The following MYO10 variants were observed in gnomAD, a reference collection of about 807,000 sequenced individuals.
The protein encoded by MYO10 is myosin X.
MYO10 carries 133 observed loss-of-function variants against 257.3 expected under a neutral mutation model. That is an observed-to-expected ratio of 0.52 (90% CI 0.45 to 0.60). The LOEUF (loss-of-function observed/expected upper bound fraction) is 0.60. Among genes scored for constraint, MYO10 ranks in the 20% least tolerant of loss-of-function variants. MYO10 has a pLI of 0.00. For synonymous variants in MYO10, 1,104 were observed against 1,028.6 expected (o/e 1.07, Z -1.40); for missense variants, 2,399 against 2,635.7 (o/e 0.91, Z 1.97).
chr5:16,904,602 G>C (rs1323222478), intron 1 of MYO10, among the ~76,000 whole-genome samples: 2 of 152,156 alleles, frequency 1.3e-5, no homozygotes, highest in African/African-American at 4.8e-5. Flanking sequence ...CTGGTGTCTG[G>C]GGAACCCCTC....
intron 39 of MYO10, among the ~76,000 whole-genome samples, chr5:16,669,701 C>T (rs1038031308): frequency 6.6e-6 from 1 of 152,154 alleles, no homozygotes; most frequent in Non-Finnish European, 1.5e-5. Context: ...AAGCCACCCA[C>T]GGATTCTAGA....
intron 34 of MYO10, among the ~76,000 whole-genome samples, chr5:16,675,508 C>T (rs1736683795): frequency 6.6e-6 from 1 of 152,096 alleles, no homozygotes; most frequent in African/African-American, 2.4e-5. Flanking sequence ...GAGGCCGAGG[C>T]AGGTGGGTCA....
At chr5:16,674,133 G>A (rs1217995044) in intron 35 of MYO10, among the ~76,000 whole-genome samples, 1 of 152,182 alleles carries the variant, frequency 6.6e-6, no homozygotes, top group Non-Finnish European at 1.5e-5. Flanking sequence ...CACCTCTGCA[G>A]CGTTGTTAAT....
intron 19 of MYO10, among the ~76,000 whole-genome samples, chr5:16,728,383 G>C (rs1375821451): frequency 6.6e-6 from 1 of 152,124 alleles, no homozygotes; most frequent in Non-Finnish European, 1.5e-5. Flanking sequence ...ACTCCTTGGG[G>C]ATGAGGTACC....
rs755229525 is a variant in MYO10, at chr5:16,683,884, C to CT, written c.4041_4042insA (p.Asp1348ArgfsTer2). 3.1e-6 allele frequency: 5 copies of CT among 1,613,594 alleles called. No individual in the cohort carries two copies. The highest frequency in any genetic ancestry group is 4.2e-6 in the Non-Finnish European group (5 of 1,179,818). On this transcript the variant is annotated frameshift_variant, in exon 30 of 41. Transcript: ENST00000513610. LOFTEE classifies it high-confidence loss of function. ...AAGAGCCACATCTGAGCTTACCTAT[C>CT]AGGGCTGTCAGAGGCACACACAGAA...
At chr5:16,798,515 G>A (rs1742031841) in intron 3 of MYO10, among the ~76,000 whole-genome samples, 1 of 151,916 alleles carries the variant, frequency 6.6e-6, no homozygotes, top group Non-Finnish European at 1.5e-5. Context: ...TCCTTGGGAT[G>A]CCTCCATCCT....
intron 3 of MYO10, among the ~76,000 whole-genome samples, chr5:16,811,370 G>A (rs1424989754): frequency 6.6e-6 from 1 of 152,156 alleles, no homozygotes; most frequent in Non-Finnish European, 1.5e-5. Context: ...GGAACCAATG[G>A]TTTAAGGCTT....
At chr5:16,879,195 TTC>T (rs1744692645) in intron 1 of MYO10, among the ~76,000 whole-genome samples, 1 of 152,198 alleles carries the variant, frequency 6.6e-6, no homozygotes, top group Admixed American at 6.5e-5. Context: ...CTTGATTTTT[TTC>T]TCCCTCCCTC....
intron 11 of MYO10, 99 bp from the exon 12 acceptor site, chr5:16,764,495 T>A: frequency 7.5e-7 from 1 of 1,335,152 alleles, no homozygotes; most frequent in East Asian, 2.4e-5. Flanking sequence ...AAGACTAGCA[T>A]AGCATCTGGC....
chr5:16,697,515 C>T (rs1737808078), intron 26 of MYO10, among the ~76,000 whole-genome samples: 1 of 152,034 alleles, frequency 6.6e-6, no homozygotes, highest in Non-Finnish European at 1.5e-5. Context: ...GCCTGGCCGA[C>T]ATGGTGAAAC....
At chr5:16,872,061 C>T (rs1214150883) in intron 2 of MYO10, among the ~76,000 whole-genome samples, 3 of 152,166 alleles carry the variant, frequency 2.0e-5, no homozygotes, top group South Asian at 2.1e-4. Flanking sequence ...ATCAGAACTA[C>T]TGACCCAACC....
chr5:16,829,334 C>T (rs1284256519), intron 2 of MYO10, among the ~76,000 whole-genome samples: 6 of 152,104 alleles, frequency 3.9e-5, no homozygotes, highest in Admixed American at 2.6e-4. Flanking sequence ...TCATCATGGG[C>T]AACACTAACA....
intron 2 of MYO10, among the ~76,000 whole-genome samples, chr5:16,836,136 C>T (rs1743305390): frequency 6.6e-6 from 1 of 152,176 alleles, no homozygotes; most frequent in Non-Finnish European, 1.5e-5. Flanking sequence ...ATCCTCACTC[C>T]TTGCCTAACT....
intron 2 of MYO10, among the ~76,000 whole-genome samples, chr5:16,835,492 GTTTTTTTTTTT>G (rs1554001242): frequency 1.2e-5 from 1 of 81,060 alleles, no homozygotes; most frequent in African/African-American, 4.7e-5. Context: ...ATTTTTGGCT[GTTTTTTTTTTT>G]TTTTTTTTTT....
chr5:16,870,149 A>G (rs1485790610), intron 2 of MYO10, among the ~76,000 whole-genome samples: 1 of 151,462 alleles, frequency 6.6e-6, no homozygotes, highest in Non-Finnish European at 1.5e-5. Flanking sequence ...TGCCGCAGTC[A>G]GCCCAACTCC....
At chr5:16,788,686 C>T (rs1471493268) in intron 4 of MYO10, among the ~76,000 whole-genome samples, 4 of 151,724 alleles carry the variant, frequency 2.6e-5, no homozygotes, top group South Asian at 2.1e-4. Flanking sequence ...GAGAAGAAAA[C>T]GCAGGTGGGT....
Position 16,711,129 on chromosome 5 carries a change from A to G in MYO10, c.2046T>C (p.Phe682=), listed in dbSNP as rs758608862. The G allele has an allele frequency of 6.2e-7, 1 of 1,613,902 alleles. No homozygotes were observed. Among genetic ancestry groups the G allele is most frequent in the African/African-American group, 1.3e-5 (1 of 75,040 alleles). The change falls in exon 20 of 41, where the codon TTT becomes TTC. Residue 682 remains phenylalanine, a synonymous_variant. Coordinates refer to ENST00000513610, the MANE Select transcript of MYO10 (RefSeq NM_012334.3). ...ATTCAGCTCCCTCTTGCCTTTTGTA[A>G]AAGTCCTGAAAGGGTCTTCGGACCG... is the stretch of plus-strand genomic sequence containing the variant. The part of the protein sequence containing the change: ...GYAVRRPFQD[F]YKRYKVLMRN...
chr5:16,780,786 A>G (rs1332445353), intron 6 of MYO10, 45 bp from the exon 7 acceptor site: 11 of 1,541,566 alleles, frequency 7.1e-6, no homozygotes, highest in Non-Finnish European at 9.7e-6. Flanking sequence ...AAACAAAGCT[A>G]TGTGCCATGC....
At chr5:16,780,310 CAA>C (rs200589107) in intron 8 of MYO10, among the ~76,000 whole-genome samples, 1 of 70,366 alleles carries the variant, frequency 1.4e-5, no homozygotes, top group African/African-American at 3.4e-5. Flanking sequence ...TACCAAGACT[CAA>C]AAAAAAAAAT....
Sources: gnomAD v4.1 joint callset for allele counts (sites outside exome capture counted in the v4.1 genomes callset) on GRCh38, gnomAD v4.1.1 for gene constraint, MANE v1.5 for transcripts, NCBI Gene and HGNC (gene_info 2026-07-23, HGNC 2026-07-21) for gene names.